The following HSD17B2 variants were observed in gnomAD, a reference collection of about 807,000 sequenced individuals.
HSD17B2 encodes hydroxysteroid 17-beta dehydrogenase 2.
In HSD17B2, 32 loss-of-function variants were observed where a neutral mutation model predicts 26.9. The ratio of observed to expected loss-of-function variants is 1.19; its 90% CI spans 0.90 to 1.60. The LOEUF (loss-of-function observed/expected upper bound fraction) is 1.60. Ranked by LOEUF, HSD17B2 falls within the 40% of genes most tolerant of loss-of-function variation. The pLI, the probability that HSD17B2 is intolerant of heterozygous loss-of-function variation, is 0.00. For synonymous variants in HSD17B2, 246 were observed against 186.7 expected (o/e 1.32, Z -2.59); for missense variants, 613 against 468.6 (o/e 1.31, Z -2.85).
intron 1 of HSD17B2, among the ~76,000 whole-genome samples, chr16:82,043,585 G>A (rs1222675446): frequency 1.4e-5 from 2 of 139,130 alleles, no homozygotes; most frequent in African/African-American, 3.3e-5. Context: ...TCGGGAGGCT[G>A]AGGCAGGAGA....
intron 4 of HSD17B2, chr16:82,095,748 T>C (rs1404350397): frequency 3.3e-5 from 5 of 152,230 alleles, no homozygotes; most frequent in African/African-American, 1.2e-4. Context: ...GTTTAATCCA[T>C]AGACATTGAC....
intron 1 of HSD17B2, among the ~76,000 whole-genome samples, chr16:82,046,474 G>A (rs1913932415): frequency 6.6e-6 from 1 of 152,236 alleles, no homozygotes; most frequent in South Asian, 2.1e-4. Context: ...TGTAATCCCA[G>A]CACTTTGGGA....
At chr16:82,044,172 T>C (rs765376437) in intron 1 of HSD17B2, among the ~76,000 whole-genome samples, 8 of 152,210 alleles carry the variant, frequency 5.3e-5, no homozygotes, top group Non-Finnish European at 1.0e-4. Context: ...TCACATACCA[T>C]CTTGGTATGA....
At chr16:82,059,893 T>G (rs760889794) in intron 1 of HSD17B2, among the ~76,000 whole-genome samples, 3 of 152,090 alleles carry the variant, frequency 2.0e-5, no homozygotes, top group Non-Finnish European at 4.4e-5. Context: ...AAGGTTATGT[T>G]CCAAGAAAAA....
At position 82,066,190 on chromosome 16, in the gene HSD17B2, G is replaced by C. The variant is rs777568780; in HGVS notation, c.266-1980G>C. On this transcript the variant is annotated intron_variant, in intron 1 of 4. Transcript: ENST00000199936. Reference sequence around the variant, plus strand: ...GGTCCAGACACTTGCATGTGTTTCAGTTGGTACCATCTCCTCCTCTGGCCA... The same window carrying C: ...GGTCCAGACACTTGCATGTGTTTCACTTGGTACCATCTCCTCCTCTGGCCA... Among the ~76,000 whole-genome samples the C allele has an allele frequency of 1.3e-5, 2 of 152,224 alleles. 1 individual carries two copies. The highest frequency in any genetic ancestry group is 4.8e-5 in the African/African-American group (2 of 41,464).
At chr16:82,041,742 G>T (rs2050589527) in intron 1 of HSD17B2, among the ~76,000 whole-genome samples, 1 of 152,156 alleles carries the variant, frequency 6.6e-6, no homozygotes, top group African/African-American at 2.4e-5. Context: ...TTCCTCCAAG[G>T]TAATCTCTGA....
intron 4 of HSD17B2, chr16:82,093,497 G>A (rs925517615): frequency 6.6e-6 from 1 of 152,198 alleles, no homozygotes. Context: ...TTCTACTGTT[G>A]ATGGGATGTT....
At chr16:82,042,452 T>C (rs1913793267) in intron 1 of HSD17B2, among the ~76,000 whole-genome samples, 1 of 152,148 alleles carries the variant, frequency 6.6e-6, no homozygotes, top group South Asian at 2.1e-4. Flanking sequence ...CTGGAGCACA[T>C]ACCTCATGAC....
At chr16:82,096,066 ATTGTC>A (rs1468242382) in intron 4 of HSD17B2, 6 of 152,100 alleles carry the variant, frequency 3.9e-5, no homozygotes, top group African/African-American at 1.4e-4. Flanking sequence ...ATAAGCAGGT[ATTGTC>A]TTTATTTTAA....
At chr16:82,066,785 G>A (rs927623391) in intron 1 of HSD17B2, among the ~76,000 whole-genome samples, 1 of 151,826 alleles carries the variant, frequency 6.6e-6, no homozygotes, top group South Asian at 2.1e-4. Flanking sequence ...AAGCATCTTG[G>A]AGCAATAGCC....
intron 3 of HSD17B2, among the ~76,000 whole-genome samples, chr16:82,084,773 C>T (rs754758483): frequency 1.3e-5 from 2 of 152,160 alleles, no homozygotes; most frequent in East Asian, 3.9e-4. Flanking sequence ...CCCTCTGGTG[C>T]CCAGGTTGGA....
chr16:82,083,411 T>G (rs1356089051), intron 3 of HSD17B2, among the ~76,000 whole-genome samples: 1 of 152,026 alleles, frequency 6.6e-6, no homozygotes, highest in Non-Finnish European at 1.5e-5. Flanking sequence ...TTTAATCCGG[T>G]CTCTACCAAT....
chr16:82,061,885 C>T (rs749525945), intron 1 of HSD17B2, among the ~76,000 whole-genome samples: 1 of 152,136 alleles, frequency 6.6e-6, no homozygotes, highest in Admixed American at 6.5e-5. Context: ...ATGTAGCTTC[C>T]AAAGGACAGT....
intron 3 of HSD17B2, among the ~76,000 whole-genome samples, chr16:82,074,797 G>A (rs1447887435): frequency 6.6e-6 from 1 of 152,134 alleles, no homozygotes; most frequent in African/African-American, 2.4e-5. Flanking sequence ...GATCATCCAG[G>A]CAGAAAATCA....
rs76872830 is a variant in HSD17B2 at position 82,064,351 on chromosome 16, C to G, written c.266-3819C>G. 4.4e-3 allele frequency among the ~76,000 whole-genome samples: 670 copies of G among 152,316 alleles called. 4 individuals are homozygous for G. Among genetic ancestry groups the G allele is most frequent in the African/African-American group, 0.016 (652 of 41,568 alleles). On this transcript the variant is annotated intron_variant, in intron 1 of 4. Coordinates refer to ENST00000199936, the MANE Select transcript of HSD17B2 (RefSeq NM_002153.3). ...GCAAGCATAGAAACTTCATTCCTTT[C>G]TATGGCTTAATAATATCTCACTGTT...
At chr16:82,045,753 A>T (rs888355205) in intron 1 of HSD17B2, among the ~76,000 whole-genome samples, 1 of 152,210 alleles carries the variant, frequency 6.6e-6, no homozygotes, top group Non-Finnish European at 1.5e-5. Flanking sequence ...TCACTGACAG[A>T]TGCTTCTCCA....
intron 1 of HSD17B2, among the ~76,000 whole-genome samples, chr16:82,060,708 G>A (rs893798526): frequency 6.6e-6 from 1 of 152,164 alleles, no homozygotes; most frequent in African/African-American, 2.4e-5. Context: ...GGGTCTTGGT[G>A]CCTCTGAAGA....
intron 1 of HSD17B2, among the ~76,000 whole-genome samples, chr16:82,047,586 A>G (rs1173039440): frequency 6.6e-6 from 1 of 152,162 alleles, no homozygotes; most frequent in African/African-American, 2.4e-5. Context: ...CAGAAGTGAG[A>G]AGAGGCAAGA....
Position 82,068,150 on chromosome 16 carries a change from A to C in HSD17B2, c.266-20A>C, listed in dbSNP as rs369222478. 29 of 1,608,538 alleles carry C rather than the reference A, an allele frequency of 1.8e-5. No individual in the cohort carries two copies. Among genetic ancestry groups the C allele is most frequent in the Non-Finnish European group, 2.5e-5 (29 of 1,175,632 alleles). ...TCACTCTGGTTTGACCTCACTCCCT[A>C]CTCCCCTGACCCTATGCAGGTGGTG... is the stretch of plus-strand genomic sequence containing the variant. On this transcript the variant is annotated intron_variant, in intron 1 of 4. Transcript: ENST00000199936.
Sources: allele counts gnomAD v4.1 joint callset (sites outside exome capture counted in the v4.1 genomes callset), GRCh38; gene constraint gnomAD v4.1.1; transcripts MANE v1.5; gene names NCBI Gene and HGNC (gene_info 2026-07-23, HGNC 2026-07-21).